The following CBFA2T3 variants were observed in gnomAD, a reference collection of about 807,000 sequenced individuals.
CBFA2T3 encodes transcriptional corepressor CBFA2T3.
A neutral mutation model predicts 58.6 loss-of-function variants in CBFA2T3; 31 were observed. That is an observed-to-expected ratio of 0.53 (90% CI 0.40 to 0.71). CBFA2T3 has a LOEUF of 0.71. CBFA2T3 is among the 30% of genes least tolerant of loss of function. The pLI is 0.00. For missense variants in CBFA2T3, 1,076 were observed against 963.1 expected, an observed-to-expected ratio of 1.12 and a Z score of -1.55; for synonymous variants, 531 against 421.9, an observed-to-expected ratio of 1.26 and a Z score of -3.17.
rs977577041 is a variant in CBFA2T3 at position 88,977,103 on chromosome 16, G to A, written c.-296C>T. ...GGGTGAGGCAGCCAGCTGTGTCCCC[G>A]TGATAATGCCGGGGCCGGAGGCCTG... On this transcript the variant is annotated 5_prime_UTR_variant, in exon 1 of 12. The change creates a new upstream start codon in the 5' untranslated region. Coordinates refer to ENST00000268679, the MANE Select transcript of CBFA2T3 (RefSeq NM_005187.6). 4.5e-5 allele frequency: 16 copies of A among 354,096 alleles called. No homozygotes were observed. The Admixed American group carries it at 5.0e-4, about 11-fold the overall frequency. 21.9% of individuals were successfully genotyped at this position (354,096 alleles called of 1,614,324 possible).
rs190485621 is a variant in CBFA2T3 at position 88,919,516 on chromosome 16, G to T, written c.152-17860C>A. Reference sequence around the variant, plus strand: ...CGTGGCCTCAGGCGCTGTCCCTACCGCCCGGTATTCACTCAGCCTTACGGG... The same window carrying T: ...CGTGGCCTCAGGCGCTGTCCCTACCTCCCGGTATTCACTCAGCCTTACGGG... On this transcript the variant is annotated intron_variant, in intron 1 of 11. Transcript: ENST00000268679. 3.7e-3 allele frequency among the ~76,000 whole-genome samples: 562 copies of T among 152,236 alleles called. 1 individual carries two copies. The highest frequency in any genetic ancestry group is 0.013 in the African/African-American group (539 of 41,526).
At position 88,972,339 on chromosome 16, in the gene CBFA2T3, G is replaced by C. The variant is rs569437504; in HGVS notation, c.151+4318C>G. Among the ~76,000 whole-genome samples, 7 of 152,268 alleles carry C rather than the reference G, an allele frequency of 4.6e-5. No homozygotes were observed. In the East Asian group the frequency reaches 9.6e-4, roughly 21 times the overall value. On this transcript the variant is annotated intron_variant, in intron 1 of 11. Coordinates refer to ENST00000268679, the MANE Select transcript of CBFA2T3 (RefSeq NM_005187.6). ...GAGCCTCCGGTGGGGAGATAGTTGG[G>C]GGGGAGTCAGGCTTTGTCCCACCGT...
In CBFA2T3 at chr16:88,885,081, T is replaced by C; in HGVS notation, c.1082A>G (p.Asp361Gly). Residue 361 changes from aspartate to glycine, a missense_variant, in exon 7 of 12, where the codon GAC becomes GGC. By Grantham distance (94) the Asp-to-Gly change is moderately conservative. Transcript: ENST00000268679. This position sits in a 1 kb window ranked among gnomAD's most constrained non-coding sequence, Gnocchi z 5.3. The stretch of plus-strand genomic sequence containing the variant: ...ATGGCGCTCTCGTAGCTCCCGGGGG[T>C]CTGGGTGGCGGTAGGCATCTCGGAA... ...HHFRDAYRHP[D>G]PRELRERHRP... The C allele has an allele frequency of 6.2e-7, 1 of 1,600,156 alleles. No individual in the cohort carries two copies.
At position 88,876,075 on chromosome 16, in the gene CBFA2T3, G is replaced by A. The variant is rs999388804; in HGVS notation, c.*901C>T. 1 of 232,818 alleles carries A rather than the reference G, an allele frequency of 4.3e-6. No individual in the cohort carries two copies. Among genetic ancestry groups the A allele is most frequent in the Non-Finnish European group, 8.5e-6 (1 of 117,638 alleles). 14.4% of individuals were successfully genotyped at this position (232,818 alleles called of 1,614,324 possible). A position where few individuals can be genotyped will look rare whatever the true frequency, so the allele number is the denominator to read the frequency against. The stretch of plus-strand genomic sequence containing the variant: ...AAGACCCACATCCAAACAAACCCAA[G>A]AGCAAGTGAAACAGTGAAAAAAATA... On this transcript the variant is annotated 3_prime_UTR_variant, in exon 12 of 12. Coordinates refer to ENST00000268679, the MANE Select transcript of CBFA2T3 (RefSeq NM_005187.6).
chr16:88,899,146 A>G (rs1970005240), intron 2 of CBFA2T3, among the ~76,000 whole-genome samples: 1 of 146,976 alleles, frequency 6.8e-6, no homozygotes, highest in African/African-American at 2.6e-5. Flanking sequence ...GGCAAGAGAA[A>G]CTTCGGCCCT....
intron 10 of CBFA2T3, chr16:88,879,669 T>TA (rs1968987066): frequency 1.8e-6 from 1 of 550,786 alleles, no homozygotes. Flanking sequence ...TTGATGGCCC[T>TA]CATGCCTGTG....
At position 88,883,026 on chromosome 16, in the gene CBFA2T3, A is replaced by T. The variant is rs370447684; in HGVS notation, c.1118-265T>A. On this transcript the variant is annotated intron_variant, in intron 7 of 11. Coordinates refer to ENST00000268679, the MANE Select transcript of CBFA2T3 (RefSeq NM_005187.6). The stretch of plus-strand genomic sequence containing the variant: ...GGGTTCAGTCTCAGTCCCATTCTGC[A>T]GCTGAGGAAACTGAGGCTGGTTAAG... 8.5e-5 allele frequency among the ~76,000 whole-genome samples: 13 copies of T among 152,318 alleles called. No individual in the cohort carries two copies. The East Asian group carries it at 2.5e-3, about 29-fold the overall frequency.
chr16:88,874,947 T>A lies in CBFA2T3; in HGVS notation c.*2029A>T, dbSNP rs1430108778. 1 of 233,016 alleles carries A rather than the reference T, an allele frequency of 4.3e-6. No individual in the cohort carries two copies. The highest frequency in any genetic ancestry group is 8.5e-6 in the Non-Finnish European group (1 of 117,680). 14.4% of individuals were successfully genotyped at this position (233,016 alleles called of 1,614,324 possible). On this transcript the variant is annotated 3_prime_UTR_variant, in exon 12 of 12. Coordinates refer to ENST00000268679, the MANE Select transcript of CBFA2T3 (RefSeq NM_005187.6). ...TCTGCAAAGACTATATACATTCACA[T>A]TAACGTACACGCTCAGCTTCAGGCC...
chr16:88,911,734 T>C (rs1407065583), intron 1 of CBFA2T3, among the ~76,000 whole-genome samples: 1 of 152,258 alleles, frequency 6.6e-6, no homozygotes, highest in African/African-American at 2.4e-5. Flanking sequence ...CTTCGGGCTA[T>C]CTGTCCGGCC....
At chr16:88,907,472 C>A (rs764450409) in intron 1 of CBFA2T3, among the ~76,000 whole-genome samples, 1 of 152,198 alleles carries the variant, frequency 6.6e-6, no homozygotes, top group Non-Finnish European at 1.5e-5. Context: ...CTCTGACGCC[C>A]GGAGGGGAGG....
intron 8 of CBFA2T3, chr16:88,881,754 C>T (rs541057093): frequency 1.3e-4 from 57 of 442,276 alleles, no homozygotes; most frequent in Non-Finnish European, 1.7e-4. Context: ...CTTTTTAACC[C>T]GCTCAGCGGG....
chr16:88,923,086 C>T (rs1309752218), intron 1 of CBFA2T3, among the ~76,000 whole-genome samples: 1 of 152,224 alleles, frequency 6.6e-6, no homozygotes, highest in African/African-American at 2.4e-5. Context: ...TCCAAATACC[C>T]CACGTCTCCC....
At chr16:88,911,089 AG>A (rs1970516327) in intron 1 of CBFA2T3, among the ~76,000 whole-genome samples, 1 of 152,230 alleles carries the variant, frequency 6.6e-6, no homozygotes, top group South Asian at 2.1e-4. Context: ...CCGCCCCCAC[AG>A]GGACAAGGAG....
chr16:88,971,528 C>A (rs1972655538), intron 1 of CBFA2T3, among the ~76,000 whole-genome samples: 1 of 152,352 alleles, frequency 6.6e-6, no homozygotes, highest in African/African-American at 2.4e-5. Context: ...CCGCTGTGGA[C>A]CTGTGTCCTG....
In CBFA2T3 at chr16:88,891,924, G is replaced by A; in HGVS notation, c.669C>T (p.Ala223=). The part of the protein sequence containing the change: ...IEEFHSKLQE[A]TNFPLRPFVI... The stretch of plus-strand genomic sequence containing the variant: ...CAAACGGCCGCAGAGGGAAGTTGGT[G>A]GCCTCCTGAAGCTTGGAATGAAACT... The change falls in exon 5 of 12, where the codon GCC becomes GCT. Residue 223 remains alanine (A), a synonymous_variant. Transcript: ENST00000268679. The A allele has an allele frequency of 6.2e-7, 1 of 1,613,468 alleles. No homozygotes were observed. Among genetic ancestry groups the A allele is most frequent in the South Asian group, 1.1e-5 (1 of 91,060 alleles).
At chr16:88,950,186 A>G in intron 1 of CBFA2T3, 2 of 412,226 alleles carry the variant, frequency 4.9e-6, no homozygotes, top group South Asian at 3.3e-5. Context: ...CAGGAACCAC[A>G]TCGGTCTGTT....
intron 1 of CBFA2T3, among the ~76,000 whole-genome samples, chr16:88,921,099 T>A (rs1377612635): frequency 6.6e-6 from 1 of 152,212 alleles, no homozygotes; most frequent in Non-Finnish European, 1.5e-5. Flanking sequence ...CCTGCCCGGC[T>A]CTCACAGGGC....
chr16:88,914,672 T>C (rs1019299460), intron 1 of CBFA2T3, among the ~76,000 whole-genome samples: 2 of 152,146 alleles, frequency 1.3e-5, no homozygotes, highest in Non-Finnish European at 2.9e-5. Flanking sequence ...AAAGGTGCCC[T>C]GACCCTCTGC....
At chr16:88,912,886 C>T (rs1970574715) in intron 1 of CBFA2T3, among the ~76,000 whole-genome samples, 1 of 152,222 alleles carries the variant, frequency 6.6e-6, no homozygotes, top group South Asian at 2.1e-4. Flanking sequence ...GAGGAACACA[C>T]CTCCCGGGGG....
Sources: allele counts gnomAD v4.1 joint callset (sites outside exome capture counted in the v4.1 genomes callset), GRCh38; gene constraint gnomAD v4.1.1; non-coding constraint Gnocchi (gnomAD v3.1); transcripts MANE v1.5; gene names NCBI Gene and HGNC (gene_info 2026-07-23, HGNC 2026-07-21).